Variants in TMEM247 observed in about 807,000 individuals in gnomAD.
TMEM247 encodes transmembrane protein ENSP00000343375.
In TMEM247, 23 loss-of-function variants were observed where a neutral mutation model predicts 20.7. The ratio of observed to expected loss-of-function variants is 1.11; its 90% CI spans 0.80 to 1.57. TMEM247 has a LOEUF of 1.57. TMEM247 is among the 40% of genes most tolerant of loss of function. The probability of loss-of-function intolerance (pLI) is 0.00; values close to 1 mark genes in which losing one functional copy is unlikely to be tolerated. For missense variants in TMEM247, 354 were observed against 283.8 expected (o/e 1.25, Z -1.78); for synonymous variants, 106 against 111.9 (o/e 0.95, Z 0.33).
chr2:46,480,749 G>A (rs1558643441), exon 2 of TMEM247: 5 of 1,533,762 alleles, frequency 3.3e-6, no homozygotes, highest in East Asian at 2.5e-5. Flanking sequence ...TGCAGCAAGA[G>A]GCGGCGCCCC....
chr2:46,481,609 A>T (rs781558588), intron 2 of TMEM247, among the ~76,000 whole-genome samples: 2 of 152,236 alleles, frequency 1.3e-5, no homozygotes, highest in Non-Finnish European at 2.9e-5. Flanking sequence ...TCAGGAATCA[A>T]TGAGAGAACA....
chr2:46,480,544 G>A (rs1307348326), exon 2 of TMEM247: 2 of 1,551,644 alleles, frequency 1.3e-6, no homozygotes, highest in South Asian at 1.2e-5. Flanking sequence ...GCTGGCGACG[G>A]ACCCAAACCC....
intron 2 of TMEM247, among the ~76,000 whole-genome samples, chr2:46,483,455 C>T (rs755029629): frequency 6.6e-6 from 1 of 152,190 alleles, no homozygotes; most frequent in African/African-American, 2.4e-5. Context: ...TGTGTCAGGA[C>T]CCAGGGAGTG....
rs922157819 is a variant in TMEM247 at position 46,483,961 on chromosome 2, A to AT, written c.478-274dup. 7.2e-4 allele frequency among the ~76,000 whole-genome samples: 109 copies of AT among 151,420 alleles called. 1 individual carries two copies. Among genetic ancestry groups the AT allele is most frequent in the African/African-American group, 2.4e-3 (97 of 41,264 alleles). On this transcript the variant is annotated intron_variant, in intron 2 of 2. Transcript: ENST00000434431. ...GCCACCAGATTTGGCTAATTTTTAAATTTTTTTTTATAGAGATAGGGGTCT... is the reference window on the plus strand; with the variant it reads ...GCCACCAGATTTGGCTAATTTTTAAATTTTTTTTTTATAGAGATAGGGGTCT...
chr2:46,484,151 T>G, intron 2 of TMEM247, 93 bp from the exon 3 acceptor site: 1 of 1,116,580 alleles, frequency 9.0e-7, no homozygotes, highest in Non-Finnish European at 1.3e-6. Flanking sequence ...TGACTTGAGG[T>G]CACATACAGG....
In TMEM247 at chr2:46,479,737, A is replaced by G. The variant is rs772073554; in HGVS notation, c.117+35A>G. The G allele has an allele frequency of 1.1e-5, 15 of 1,425,500 alleles. No individual in the cohort carries two copies. In the East Asian group the frequency reaches 1.7e-4, roughly 16 times the overall value. The allele number at this position is 1,425,500 out of a possible 1,614,324, so 88.3% of individuals were successfully genotyped here. ...CTGCTGTGTCTCACCACCCCCGCCT[A>G]TTCCGTCAGGGGGAGCAAGAATACT... is the stretch of plus-strand genomic sequence containing the variant. On this transcript the variant is annotated intron_variant, in intron 1 of 2. Transcript: ENST00000434431.
intron 2 of TMEM247, 124 bp downstream of exon 2, chr2:46,480,888 G>A: frequency 1.6e-6 from 2 of 1,283,216 alleles, no homozygotes; most frequent in African/African-American, 1.5e-5. Context: ...CCTGGATCTC[G>A]GCTGAAAGGG....
At chr2:46,481,695 T>C (rs1686893115) in intron 2 of TMEM247, among the ~76,000 whole-genome samples, 1 of 152,216 alleles carries the variant, frequency 6.6e-6, no homozygotes, top group Non-Finnish European at 1.5e-5. Flanking sequence ...CATTTTTATG[T>C]ACTCATGCAA....
At chr2:46,484,367 C>T (rs1413729332) in exon 3 of TMEM247, 2 of 1,552,308 alleles carry the variant, frequency 1.3e-6, no homozygotes, top group South Asian at 1.2e-5. Flanking sequence ...CTTCGCCAAG[C>T]ACTACCTATT....
At chr2:46,479,582 C>T in exon 1 of TMEM247, 1 of 1,551,314 alleles carries the variant, frequency 6.4e-7, no homozygotes, top group Non-Finnish European at 8.7e-7. Flanking sequence ...TTCTGGTTTT[C>T]TGGATGGCAG....
At chr2:46,483,430 C>T (rs1421417775) in intron 2 of TMEM247, among the ~76,000 whole-genome samples, 2 of 152,202 alleles carry the variant, frequency 1.3e-5, no homozygotes, top group Non-Finnish European at 2.9e-5. Flanking sequence ...GGACCATGGG[C>T]TGACCCACGT....
chr2:46,481,231 T>C (rs1686884321), intron 2 of TMEM247, among the ~76,000 whole-genome samples: 1 of 152,206 alleles, frequency 6.6e-6, no homozygotes, highest in African/African-American at 2.4e-5. Context: ...CCAGTGGATT[T>C]TGATAGAACC....
intron 2 of TMEM247, 27 bp downstream of exon 2, chr2:46,480,791 G>T (rs775828245): frequency 2.0e-6 from 3 of 1,525,864 alleles, no homozygotes; most frequent in Admixed American, 2.0e-5. Flanking sequence ...GGGGCACTGG[G>T]AGGAGGGAGG....
chr2:46,482,442 T>G (rs1686906564), intron 2 of TMEM247, among the ~76,000 whole-genome samples: 1 of 152,258 alleles, frequency 6.6e-6, no homozygotes, highest in Non-Finnish European at 1.5e-5. Context: ...CTTTGGCCTG[T>G]GTCTCCTCCT....
chr2:46,482,503 G>C (rs565846428), intron 2 of TMEM247, among the ~76,000 whole-genome samples: 2 of 152,170 alleles, frequency 1.3e-5, no homozygotes, highest in South Asian at 4.1e-4. Context: ...TCTCCTTGCT[G>C]GATGAGATGG....
chr2:46,484,149 G>A, intron 2 of TMEM247, 95 bp from the exon 3 acceptor site: 2 of 1,092,956 alleles, frequency 1.8e-6, no homozygotes, highest in South Asian at 1.7e-5. Context: ...GATGACTTGA[G>A]GTCACATACA....
intron 2 of TMEM247, among the ~76,000 whole-genome samples, chr2:46,481,873 A>C (rs932326703): frequency 4.6e-5 from 7 of 152,224 alleles, no homozygotes; most frequent in Admixed American, 3.3e-4. Flanking sequence ...GAAATGACCT[A>C]AAGTAAATAC....
At chr2:46,482,456 C>A (rs958347403) in intron 2 of TMEM247, among the ~76,000 whole-genome samples, 1 of 152,314 alleles carries the variant, frequency 6.6e-6, no homozygotes, top group South Asian at 2.1e-4. Context: ...TCCTCCTAAC[C>A]ATATTTATTT....
intron 2 of TMEM247, among the ~76,000 whole-genome samples, chr2:46,481,424 A>G (rs959363961): frequency 6.6e-6 from 1 of 152,260 alleles, no homozygotes; most frequent in Non-Finnish European, 1.5e-5. Context: ...CTAGGCTATC[A>G]TAAGCATTCA....
Sources: allele counts gnomAD v4.1 joint callset (sites outside exome capture counted in the v4.1 genomes callset), GRCh38; gene constraint gnomAD v4.1.1; transcripts MANE v1.5; gene names NCBI Gene and HGNC (gene_info 2026-07-23, HGNC 2026-07-21).